The following VAMP4 variants were observed in gnomAD, a reference collection of about 807,000 sequenced individuals.
VAMP4 encodes the protein vesicle associated membrane protein 4.
In VAMP4, 19 loss-of-function variants were observed where a neutral mutation model predicts 23.5. That is an observed-to-expected ratio of 0.81 (90% CI 0.56 to 1.19). The LOEUF is 1.19. Among genes scored for constraint, VAMP4 ranks in the 50% most tolerant of loss-of-function variants. The pLI is 0.00. For missense variants in VAMP4, 145 were observed against 168.6 expected (o/e 0.86, Z 0.78); for synonymous variants, 31 against 51.0 (o/e 0.61, Z 1.67).
chr1:171,728,578 A>C lies in VAMP4; in HGVS notation c.67-8T>G, dbSNP rs770265895. ...ATCTTCCAAAAGATTTCTCTGTCAA[A>C]AAAAGAAAAAGACTTGAGTTTTCAG... is the stretch of plus-strand genomic sequence containing the variant. On this transcript the variant is annotated splice_region_variant and splice_polypyrimidine_tract_variant and intron_variant, in intron 2 of 7. Coordinates refer to ENST00000236192, the MANE Select transcript of VAMP4 (RefSeq NM_003762.5). 1 of 1,555,866 alleles carries C rather than the reference A, an allele frequency of 6.4e-7. No homozygotes were observed.
intron 3 of VAMP4, among the ~76,000 whole-genome samples, chr1:171,723,002 A>G (rs1471566493): frequency 6.6e-6 from 1 of 152,190 alleles, no homozygotes; most frequent in Non-Finnish European, 1.5e-5. Flanking sequence ...TGAGTAATAA[A>G]GGGAAAGACT....
chr1:171,706,651 G>A (rs541281548), intron 6 of VAMP4, among the ~76,000 whole-genome samples: 1 of 152,122 alleles, frequency 6.6e-6, no homozygotes, highest in South Asian at 2.1e-4. Context: ...AAGAAAGTAA[G>A]GGGAGAAAAA....
intron 3 of VAMP4, among the ~76,000 whole-genome samples, chr1:171,723,114 G>T (rs1346738852): frequency 1.3e-5 from 2 of 152,136 alleles, no homozygotes; most frequent in Non-Finnish European, 2.9e-5. Context: ...AGATTTTGTT[G>T]TGATTTTCAA....
intron 1 of VAMP4, among the ~76,000 whole-genome samples, chr1:171,741,641 C>T (rs1221070154): frequency 2.0e-5 from 3 of 152,144 alleles, no homozygotes; most frequent in Non-Finnish European, 4.4e-5. Flanking sequence ...ATCCATGGTA[C>T]TGTTCTCTTC....
rs548263331 is a variant in VAMP4, at chr1:171,732,184, T to G, written c.67-3614A>C. Among the ~76,000 whole-genome samples, 72 of 152,032 alleles carry G rather than the reference T, an allele frequency of 4.7e-4. No individual in the cohort carries two copies. In the South Asian group the frequency reaches 0.014, roughly 30 times the overall value. ...TTCCAAAAAATAGAAATTACACAAG[T>G]CATATTCTCTGACCATAATGCGATG... On this transcript the variant is annotated intron_variant, in intron 2 of 7. Coordinates refer to ENST00000236192, the MANE Select transcript of VAMP4 (RefSeq NM_003762.5).
At chr1:171,731,696 C>T (rs1481196467) in intron 2 of VAMP4, among the ~76,000 whole-genome samples, 1 of 152,036 alleles carries the variant, frequency 6.6e-6, no homozygotes. Context: ...TATTTAATAA[C>T]AAAAACTATA....
rs142261179 is a variant in VAMP4, at chr1:171,736,288, T to C, written c.66+2061A>G. ...TCTTGGAGGTTTATCTTGAAAGATA[T>C]TACATTAAAGAAAGAGACCCTGGAT... On this transcript the variant is annotated intron_variant, in intron 2 of 7. Coordinates refer to ENST00000236192, the MANE Select transcript of VAMP4 (RefSeq NM_003762.5). 7.2e-5 allele frequency among the ~76,000 whole-genome samples: 11 copies of C among 152,318 alleles called. No individual in the cohort carries two copies. In the East Asian group the frequency reaches 2.1e-3, roughly 29 times the overall value.
intron 4 of VAMP4, among the ~76,000 whole-genome samples, chr1:171,717,718 T>C (rs557471945): frequency 1.3e-5 from 2 of 152,244 alleles, no homozygotes; most frequent in Non-Finnish European, 2.9e-5. Context: ...CCCAAAGTGC[T>C]GGGATTACAG....
chr1:171,733,364 G>T lies in VAMP4; in HGVS notation c.67-4794C>A, dbSNP rs561720848. Among the ~76,000 whole-genome samples, 4 of 151,280 alleles carry T rather than the reference G, an allele frequency of 2.6e-5. 1 individual carries two copies. Among genetic ancestry groups the T allele is most frequent in the African/African-American group, 9.7e-5 (4 of 41,144 alleles). ...GCCTGTAATACCAGCTACTCTGAAG[G>T]CTACTTGGGGGGATTGCTTGAGCCC... On this transcript the variant is annotated intron_variant, in intron 2 of 7. Coordinates refer to ENST00000236192, the MANE Select transcript of VAMP4 (RefSeq NM_003762.5).
intron 6 of VAMP4, among the ~76,000 whole-genome samples, chr1:171,708,566 A>G (rs1654736678): frequency 6.6e-6 from 1 of 151,956 alleles, no homozygotes; most frequent in Non-Finnish European, 1.5e-5. Context: ...AGTCAGGTTT[A>G]GAAAGTTATT....
intron 3 of VAMP4, among the ~76,000 whole-genome samples, chr1:171,726,575 T>C (rs1015869641): frequency 6.6e-6 from 1 of 152,212 alleles, no homozygotes; most frequent in Admixed American, 6.5e-5. Context: ...GAAAGGATGA[T>C]CTTTTTATCA....
At chr1:171,728,741 C>T (rs1209863510) in intron 2 of VAMP4, among the ~76,000 whole-genome samples, 171 bp from the exon 3 acceptor site, 1 of 152,174 alleles carries the variant, frequency 6.6e-6, no homozygotes, top group Non-Finnish European at 1.5e-5. Flanking sequence ...TGTGGGACAA[C>T]ATTTATAGAC....
rs960894357 is a variant in VAMP4 at position 171,709,823 on chromosome 1, A to C, written c.266-79T>G. 4 of 1,160,768 alleles carry C rather than the reference A, an allele frequency of 3.4e-6. No individual in the cohort carries two copies. In the African/African-American group the frequency reaches 6.1e-5, roughly 18 times the overall value. 71.9% of individuals were successfully genotyped at this position (1,160,768 alleles called of 1,614,324 possible). The stretch of plus-strand genomic sequence containing the variant: ...TATCTAGTCACACAAAGATAAGAAA[A>C]TATTAATTTCTACTTCTGCAAATTT... On this transcript the variant is annotated intron_variant, in intron 5 of 7. Coordinates refer to ENST00000236192, the MANE Select transcript of VAMP4 (RefSeq NM_003762.5).
At chr1:171,729,803 G>A (rs1488323067) in intron 2 of VAMP4, among the ~76,000 whole-genome samples, 1 of 152,150 alleles carries the variant, frequency 6.6e-6, no homozygotes, top group Non-Finnish European at 1.5e-5. Context: ...GGGACTACAG[G>A]CGCATGCCAC....
chr1:171,730,980 G>T (rs994329257), intron 2 of VAMP4, among the ~76,000 whole-genome samples: 7 of 151,924 alleles, frequency 4.6e-5, no homozygotes, highest in Admixed American at 3.9e-4. Context: ...CCAGGCGGGT[G>T]GATCACGAGG....
intron 6 of VAMP4, 128 bp from the exon 7 acceptor site, chr1:171,706,546 GAC>G: frequency 2.5e-6 from 2 of 787,080 alleles, no homozygotes; most frequent in Non-Finnish European, 3.8e-6. Flanking sequence ...CTACAAAACT[GAC>G]ACAGAATGCT....
At chr1:171,717,350 G>A (rs905175576) in intron 4 of VAMP4, among the ~76,000 whole-genome samples, 2 of 152,146 alleles carry the variant, frequency 1.3e-5, no homozygotes, top group Non-Finnish European at 2.9e-5. Flanking sequence ...ATGCCACACA[G>A]GCTTGAACTA....
At chr1:171,714,447 T>G (rs1320915207) in intron 4 of VAMP4, among the ~76,000 whole-genome samples, 1 of 152,228 alleles carries the variant, frequency 6.6e-6, no homozygotes, top group Non-Finnish European at 1.5e-5. Context: ...TTTTCAAATC[T>G]GAATTAAATA....
chr1:171,727,897 C>A (rs1655425193), intron 3 of VAMP4, among the ~76,000 whole-genome samples: 1 of 152,112 alleles, frequency 6.6e-6, no homozygotes, highest in African/African-American at 2.4e-5. Context: ...TGACAGAAAG[C>A]AGAGCACTGG....
Sources: gnomAD v4.1 joint callset for allele counts (sites outside exome capture counted in the v4.1 genomes callset) on GRCh38, gnomAD v4.1.1 for gene constraint, MANE v1.5 for transcripts, NCBI Gene and HGNC (gene_info 2026-07-23, HGNC 2026-07-21) for gene names.